Variants in PKHD1 observed in about 807,000 individuals in gnomAD.
PKHD1 encodes PKHD1 ciliary IPT domain containing fibrocystin/polyductin.
In PKHD1, 291 loss-of-function variants were observed where a neutral mutation model predicts 412.0. That is an observed-to-expected ratio of 0.71 (90% CI 0.64 to 0.78). PKHD1 has a LOEUF of 0.78. Among genes scored for constraint, PKHD1 ranks in the 30% least tolerant of loss-of-function variants. PKHD1 has a pLI of 0.00. For missense variants in PKHD1, 4,825 were observed against 4,950.7 expected (o/e 0.97, Z 0.76); for synonymous variants, 1,777 against 1,821.5 (o/e 0.98, Z 0.62).
intron 64 of PKHD1, among the ~76,000 whole-genome samples, chr6:51,636,705 T>C (rs542167489): frequency 1.3e-5 from 2 of 152,342 alleles, no homozygotes; most frequent in African/African-American, 4.8e-5. Context: ...GAATATACGC[T>C]GCTTTCCCCA....
chr6:51,880,946 A>C (rs1192811838), intron 46 of PKHD1, among the ~76,000 whole-genome samples: 6 of 149,788 alleles, frequency 4.0e-5, no homozygotes, highest in Non-Finnish European at 1.5e-5. Flanking sequence ...AGCCTGGGCG[A>C]CAGAGCGAGA....
chr6:51,873,484 T>C (rs1478827028), intron 46 of PKHD1, among the ~76,000 whole-genome samples: 6 of 152,234 alleles, frequency 3.9e-5, no homozygotes, highest in Non-Finnish European at 8.8e-5. Context: ...TCTGGCAATG[T>C]TCTATTTCTT....
intron 22 of PKHD1, 137 bp from the exon 23 acceptor site, chr6:52,048,756 G>A: frequency 1.0e-6 from 1 of 961,514 alleles, no homozygotes; most frequent in East Asian, 2.6e-5. Context: ...AACTCAGTAA[G>A]GGAGTTTTCA....
intron 36 of PKHD1, among the ~76,000 whole-genome samples, chr6:51,940,735 C>T (rs545193138): frequency 1.3e-5 from 2 of 151,638 alleles, no homozygotes; most frequent in Admixed American, 6.6e-5. Flanking sequence ...AAGGTAAGTC[C>T]GTCCCCTTCT....
At chr6:51,912,305 C>A in intron 38 of PKHD1, 61 bp downstream of exon 38, 1 of 1,031,736 alleles carries the variant, frequency 9.7e-7, no homozygotes, top group Admixed American at 1.7e-5. Context: ...ATGTCCAGAC[C>A]CCAATACAGT....
At chr6:52,067,929 G>A (rs761278983) in intron 11 of PKHD1, among the ~76,000 whole-genome samples, 10 of 152,158 alleles carry the variant, frequency 6.6e-5, no homozygotes, top group Non-Finnish European at 1.3e-4. Context: ...AAGGGGCAGA[G>A]GGCAAGTCAG....
chr6:51,935,734 G>GTTCACA (rs1298942648), intron 36 of PKHD1, among the ~76,000 whole-genome samples: 1 of 152,182 alleles, frequency 6.6e-6, no homozygotes, highest in Non-Finnish European at 1.5e-5. Context: ...ATATTGGCCT[G>GTTCACA]CCTGTTAGTT....
rs560404867 is a variant in PKHD1 at position 52,009,749 on chromosome 6, A to T, written c.5751+560T>A. Among the ~76,000 whole-genome samples, 6 of 152,032 alleles carry T rather than the reference A, an allele frequency of 3.9e-5. 1 individual carries two copies. The South Asian group carries it at 1.0e-3, about 26-fold the overall frequency. ...GCTTTTAGAAGAGCCACTTGGAGGG[A>T]GTGGTTTAGACAATTTCAAAATGGG... On this transcript the variant is annotated intron_variant, in intron 35 of 66. Transcript: ENST00000371117.
rs115071520 is a variant in PKHD1 at position 51,994,908 on chromosome 6, C to T, written c.5751+15401G>A. 7.5e-3 allele frequency among the ~76,000 whole-genome samples: 1,142 copies of T among 152,218 alleles called. 15 individuals are homozygous for T. Among genetic ancestry groups the T allele is most frequent in the African/African-American group, 0.026 (1,059 of 41,526 alleles). On this transcript the variant is annotated intron_variant, in intron 35 of 66. Transcript: ENST00000371117. ...ATGAGGTTTTCCCCAGACGTGCCTC[C>T]AAGCACACAGGTAGGTAACACCCAA...
At position 51,886,023 on chromosome 6, in the gene PKHD1, T is replaced by C. The variant is rs1467649612; in HGVS notation, c.7110-51A>G. Reference sequence around the variant, plus strand: ...AAGCCAATTTTTATGTTTCTAACTTTCTACTTTTTCTTGTTGAAAAATACA... The same window carrying C: ...AAGCCAATTTTTATGTTTCTAACTTCCTACTTTTTCTTGTTGAAAAATACA... On this transcript the variant is annotated intron_variant, in intron 44 of 66. Coordinates refer to ENST00000371117, the MANE Select transcript of PKHD1 (RefSeq NM_138694.4). 9 of 1,073,160 alleles carry C rather than the reference T, an allele frequency of 8.4e-6. No homozygotes were observed. In the East Asian group the frequency reaches 9.5e-5, roughly 11 times the overall value. The allele number at this position is 1,073,160 out of a possible 1,614,324, so 66.5% of individuals were successfully genotyped here. A position where few individuals can be genotyped will look rare whatever the true frequency, so the allele number is the denominator to read the frequency against.
At chr6:51,650,007 T>C (rs1054532810) in intron 61 of PKHD1, among the ~76,000 whole-genome samples, 3 of 152,172 alleles carry the variant, frequency 2.0e-5, no homozygotes, top group African/African-American at 7.2e-5. Flanking sequence ...TAGGTACTCT[T>C]ATTTATATAT....
intron 22 of PKHD1, among the ~76,000 whole-genome samples, chr6:52,049,290 C>G (rs578004370): frequency 6.6e-6 from 1 of 152,192 alleles, no homozygotes; most frequent in Non-Finnish European, 1.5e-5. Context: ...TAACACAATG[C>G]TACATATTTG....
chr6:51,912,613 A>G, intron 37 of PKHD1, 37 bp from the exon 38 acceptor site: 1 of 1,302,582 alleles, frequency 7.7e-7, no homozygotes, highest in Non-Finnish European at 1.1e-6. Flanking sequence ...CAGATAATTT[A>G]ATCATTAATC....
intron 64 of PKHD1, among the ~76,000 whole-genome samples, chr6:51,636,049 T>G (rs368519905): frequency 4.6e-5 from 7 of 152,122 alleles, no homozygotes; most frequent in East Asian, 3.9e-4. Flanking sequence ...ACTACAAACT[T>G]ACAGAAACCC....
In PKHD1 at chr6:51,754,810, T is replaced by C. The variant is rs1786692378; in HGVS notation, c.8771A>G (p.Tyr2924Cys). The change falls in exon 56 of 67, where the codon TAT becomes TGT. Residue 2924 changes from tyrosine (Y) to cysteine (C), a missense_variant. Tyr to Cys is a radical substitution (Grantham distance 194). Coordinates refer to ENST00000371117, the MANE Select transcript of PKHD1 (RefSeq NM_138694.4). ...KEVKGHHVRI[Y>C]ERLKHRHIGS... ...AATATGCCGGTGTTTGAGCCGTTCA[T>C]AGATCCTCACATGGTGGCCCTTGAC... The C allele has an allele frequency of 1.9e-6, 3 of 1,613,618 alleles. No individual in the cohort carries two copies. The highest frequency in any genetic ancestry group is 2.5e-6 in the Non-Finnish European group (3 of 1,179,714).
chr6:51,890,029 T>C (rs1778866874), intron 43 of PKHD1, among the ~76,000 whole-genome samples: 1 of 151,942 alleles, frequency 6.6e-6, no homozygotes, highest in Non-Finnish European at 1.5e-5. Context: ...TTTTTTTAAG[T>C]AATGATGAGT....
intron 55 of PKHD1, among the ~76,000 whole-genome samples, chr6:51,769,511 T>G: frequency 6.6e-6 from 1 of 151,452 alleles, no homozygotes; most frequent in East Asian, 1.9e-4. Context: ...ATTTCTCATT[T>G]TATATATTGG....
chr6:51,924,460 C>T (rs1430066194), intron 37 of PKHD1, among the ~76,000 whole-genome samples: 8 of 152,216 alleles, frequency 5.3e-5, no homozygotes, highest in Middle Eastern at 3.4e-3. Flanking sequence ...TTAGAAACAA[C>T]GGAAAGCCAC....
intron 41 of PKHD1, among the ~76,000 whole-genome samples, chr6:51,905,790 T>C (rs1781979125): frequency 6.6e-6 from 1 of 152,134 alleles, no homozygotes; most frequent in Admixed American, 6.6e-5. Context: ...AGTTGATCAG[T>C]TGAAGATTCT....
Sources: gnomAD v4.1 joint callset for allele counts (sites outside exome capture counted in the v4.1 genomes callset) on GRCh38, gnomAD v4.1.1 for gene constraint, MANE v1.5 for transcripts, NCBI Gene and HGNC (gene_info 2026-07-23, HGNC 2026-07-21) for gene names.